FER: variants seen among roughly 807,000 people sequenced by gnomAD.
The protein encoded by FER is tyrosine-protein kinase Fer.
Under a neutral mutation model 111.0 loss-of-function variants are expected in FER, and 63 were observed. The ratio of observed to expected loss-of-function variants is 0.57; its 90% CI spans 0.46 to 0.70. The LOEUF is 0.70. FER is among the 30% of genes least tolerant of loss of function. FER has a pLI of 0.00. For missense variants in FER, 914 were observed against 954.0 expected, an observed-to-expected ratio of 0.96 and a Z score of 0.55; for synonymous variants, 327 against 313.9, an observed-to-expected ratio of 1.04 and a Z score of -0.44.
At chr5:108,871,158 G>C (rs1388215324) in intron 6 of FER, among the ~76,000 whole-genome samples, 1 of 151,886 alleles carries the variant, frequency 6.6e-6, no homozygotes. Context: ...TGTAATTATT[G>C]TATTATAACA....
intron 17 of FER, among the ~76,000 whole-genome samples, chr5:109,159,819 C>CTAT (rs1755810213): frequency 6.6e-6 from 1 of 152,196 alleles, no homozygotes. Context: ...CCCCAGGCCT[C>CTAT]TCATAGAGGC....
At chr5:108,916,402 T>G (rs1453343860) in intron 10 of FER, among the ~76,000 whole-genome samples, 1 of 152,138 alleles carries the variant, frequency 6.6e-6, no homozygotes, top group Non-Finnish European at 1.5e-5. Context: ...TAAGATAAAA[T>G]GAAATGGGAA....
chr5:108,825,674 T>C lies in FER; in HGVS notation c.208-7096T>C, dbSNP rs1043844922. Among the ~76,000 whole-genome samples the C allele has an allele frequency of 4.6e-5, 7 of 152,284 alleles. No individual in the cohort carries two copies. The East Asian group carries it at 5.8e-4, about 13-fold the overall frequency. Reference sequence around the variant, plus strand: ...GCATAGGAAATCACAAGGGTATTGATTGGGGAAGTGATAAGTGTCCATGAA... The same window carrying C: ...GCATAGGAAATCACAAGGGTATTGACTGGGGAAGTGATAAGTGTCCATGAA... On this transcript the variant is annotated intron_variant, in intron 3 of 19. Transcript: ENST00000281092.
At chr5:108,993,598 C>CGAGGGT (rs1561736882) in intron 13 of FER, among the ~76,000 whole-genome samples, 1 of 94,268 alleles carries the variant, frequency 1.1e-5, no homozygotes, top group Non-Finnish European at 2.2e-5. Context: ...AGGGAGAGGG[C>CGAGGGT]GAGGGCGAGG....
chr5:108,972,819 T>C (rs989639116), intron 13 of FER, among the ~76,000 whole-genome samples: 10 of 152,344 alleles, frequency 6.6e-5, no homozygotes, highest in Admixed American at 5.9e-4. Context: ...TTTGTTTACA[T>C]TTATGTGTGG....
chr5:109,117,370 A>C (rs1333271820), intron 17 of FER, among the ~76,000 whole-genome samples: 1 of 151,620 alleles, frequency 6.6e-6, no homozygotes, highest in Non-Finnish European at 1.5e-5. Context: ...TTTCATGTGA[A>C]ACAGGGAAAT....
intron 3 of FER, among the ~76,000 whole-genome samples, chr5:108,822,902 G>A (rs1327346354): frequency 6.6e-6 from 1 of 151,676 alleles, no homozygotes; most frequent in Non-Finnish European, 1.5e-5. Flanking sequence ...TGATTCTCCT[G>A]CCTCAGCCTC....
intron 10 of FER, among the ~76,000 whole-genome samples, chr5:108,921,806 G>A (rs1350502663): frequency 6.6e-6 from 1 of 152,168 alleles, no homozygotes; most frequent in Non-Finnish European, 1.5e-5. Flanking sequence ...AGTAGGAATA[G>A]ATGTTTATTT....
At chr5:109,104,978 C>T (rs1367352986) in intron 17 of FER, among the ~76,000 whole-genome samples, 1 of 151,998 alleles carries the variant, frequency 6.6e-6, no homozygotes, top group Admixed American at 6.6e-5. Context: ...CTCCTGACCT[C>T]GTGATCCGCC....
chr5:109,114,365 T>C (rs1749985144), intron 17 of FER, among the ~76,000 whole-genome samples: 1 of 152,152 alleles, frequency 6.6e-6, no homozygotes, highest in South Asian at 2.1e-4. Context: ...TTTATTCAAA[T>C]AATAATATTT....
At chr5:109,119,685 G>T (rs550969753) in intron 17 of FER, among the ~76,000 whole-genome samples, 1 of 152,128 alleles carries the variant, frequency 6.6e-6, no homozygotes, top group East Asian at 1.9e-4. Context: ...TTATGAATCT[G>T]GGTGCTCCTG....
intron 17 of FER, among the ~76,000 whole-genome samples, chr5:109,133,757 AGTCAACT>A (rs1452043481): frequency 6.6e-5 from 10 of 152,124 alleles, no homozygotes; most frequent in Non-Finnish European, 1.5e-5. Context: ...ATTTCCCATG[AGTCAACT>A]AGTTTCTCTT....
chr5:109,144,782 G>A (rs965773103), intron 17 of FER, among the ~76,000 whole-genome samples: 2 of 151,972 alleles, frequency 1.3e-5, no homozygotes, highest in South Asian at 2.1e-4. Flanking sequence ...TTTGGATCTC[G>A]GAGCAAGAAA....
chr5:109,120,852 A>AGCT lies in FER; in HGVS notation c.2048+20335_2048+20337dup, dbSNP rs1207275650. Among the ~76,000 whole-genome samples, 8 of 152,118 alleles carry AGCT rather than the reference A, an allele frequency of 5.3e-5. No individual in the cohort carries two copies. The East Asian group carries it at 1.2e-3, about 22-fold the overall frequency. ...TTCTTAGCTATTTAATTTTATCTGT[A>AGCT]GCTGTTGTAAATGAAACTACTTTCT... On this transcript the variant is annotated intron_variant, in intron 17 of 19. Coordinates refer to ENST00000281092, the MANE Select transcript of FER (RefSeq NM_005246.4).
intron 10 of FER, among the ~76,000 whole-genome samples, chr5:108,911,724 C>CT (rs1167420573): frequency 6.6e-6 from 1 of 152,058 alleles, no homozygotes; most frequent in Non-Finnish European, 1.5e-5. Context: ...ATAGGGTAGC[C>CT]TTTCCTCACT....
chr5:109,128,226 CAA>C (rs1417766963), intron 17 of FER, among the ~76,000 whole-genome samples: 2 of 151,252 alleles, frequency 1.3e-5, no homozygotes, highest in African/African-American at 4.9e-5. Flanking sequence ...GTGAGATATA[CAA>C]GTTTTTTTTT....
At chr5:108,993,588 A>T (rs1763569915) in intron 13 of FER, among the ~76,000 whole-genome samples, 1 of 142,426 alleles carries the variant, frequency 7.0e-6, no homozygotes, top group African/African-American at 2.7e-5. Context: ...GGAGAGGGAG[A>T]GGGAGAGGGC....
At chr5:109,079,844 C>A (rs191941173) in intron 16 of FER, among the ~76,000 whole-genome samples, 9 of 152,214 alleles carry the variant, frequency 5.9e-5, no homozygotes, top group Admixed American at 5.2e-4. Flanking sequence ...AATGCCAACC[C>A]CACAGTTCTC....
At chr5:109,016,880 G>A (rs1767211694) in intron 13 of FER, among the ~76,000 whole-genome samples, 1 of 151,928 alleles carries the variant, frequency 6.6e-6, no homozygotes, top group Non-Finnish European at 1.5e-5. Flanking sequence ...TATAAGAATG[G>A]CCTCCTAATT....
Sources: allele counts gnomAD v4.1 joint callset (sites outside exome capture counted in the v4.1 genomes callset), GRCh38; gene constraint gnomAD v4.1.1; transcripts MANE v1.5; gene names NCBI Gene and HGNC (gene_info 2026-07-23, HGNC 2026-07-21).